Variants in PDE7B observed in about 807,000 individuals in gnomAD.
PDE7B encodes phosphodiesterase 7B, also known as 3',5'-cyclic-AMP phosphodiesterase 7B.
Under a neutral mutation model 56.2 loss-of-function variants are expected in PDE7B, and 29 were observed. The observed-to-expected ratio is 0.52, with a 90% CI of 0.38 to 0.70. The LOEUF is 0.70. PDE7B is among the 30% of genes least tolerant of loss of function. The pLI is 0.00. For missense variants in PDE7B, 490 were observed against 565.0 expected, an observed-to-expected ratio of 0.87 and a Z score of 1.35; for synonymous variants, 197 against 196.9, an observed-to-expected ratio of 1.00 and a Z score of 0.00.
At chr6:136,108,020 G>T (rs1020491137) in intron 2 of PDE7B, among the ~76,000 whole-genome samples, 1 of 151,660 alleles carries the variant, frequency 6.6e-6, no homozygotes, top group Non-Finnish European at 1.5e-5. Context: ...CCAGCTACTC[G>T]GGAGGCTAAG....
intron 2 of PDE7B, among the ~76,000 whole-genome samples, chr6:136,108,203 G>A (rs536530015): frequency 5.3e-5 from 8 of 151,018 alleles, no homozygotes; most frequent in East Asian, 1.9e-4. Flanking sequence ...CTAGAAACTC[G>A]ACAGACTGTC....
intron 2 of PDE7B, among the ~76,000 whole-genome samples, chr6:135,971,687 A>G (rs948429429): frequency 1.3e-5 from 2 of 152,202 alleles, no homozygotes; most frequent in Admixed American, 6.5e-5. Context: ...TAACTCTGCC[A>G]CTTACTCATT....
At chr6:136,183,863 C>G (rs1272504593) in intron 11 of PDE7B, among the ~76,000 whole-genome samples, 1 of 152,126 alleles carries the variant, frequency 6.6e-6, no homozygotes, top group East Asian at 1.9e-4. Context: ...CCCTTAAAAT[C>G]AAGGTTGAGG....
At chr6:135,906,334 C>T (rs145182454) in intron 1 of PDE7B, among the ~76,000 whole-genome samples, 2 of 152,264 alleles carry the variant, frequency 1.3e-5, no homozygotes, top group East Asian at 3.9e-4. Context: ...AAAATCTTTA[C>T]CCGTTGAACT....
intron 2 of PDE7B, among the ~76,000 whole-genome samples, chr6:135,966,145 T>C (rs1278297758): frequency 6.6e-6 from 1 of 152,144 alleles, no homozygotes; most frequent in Non-Finnish European, 1.5e-5. Context: ...CTAGAGAACA[T>C]ACCACTTTAA....
chr6:135,928,355 C>CA (rs1263881732), intron 1 of PDE7B, among the ~76,000 whole-genome samples: 4 of 148,136 alleles, frequency 2.7e-5, no homozygotes, highest in Non-Finnish European at 4.5e-5. Flanking sequence ...TTCATTGCAA[C>CA]ACTATTCACA....
At chr6:135,992,298 C>G (rs1775492554) in intron 2 of PDE7B, among the ~76,000 whole-genome samples, 1 of 151,994 alleles carries the variant, frequency 6.6e-6, no homozygotes, top group Non-Finnish European at 1.5e-5. Context: ...CTGTCCTGGG[C>G]TGCATGCAGC....
At chr6:136,025,277 T>C (rs1267232988) in intron 2 of PDE7B, among the ~76,000 whole-genome samples, 1 of 152,144 alleles carries the variant, frequency 6.6e-6, no homozygotes, top group East Asian at 1.9e-4. Context: ...TATAATATCT[T>C]AAAAATGCAA....
intron 1 of PDE7B, among the ~76,000 whole-genome samples, chr6:135,855,759 C>A (rs377262465): frequency 1.7e-4 from 26 of 152,234 alleles, no homozygotes; most frequent in East Asian, 7.7e-4. Flanking sequence ...GCACTATGGG[C>A]AGCCAAGGTC....
At chr6:136,140,097 G>GT (rs1176535806) in intron 3 of PDE7B, among the ~76,000 whole-genome samples, 1 of 152,122 alleles carries the variant, frequency 6.6e-6, no homozygotes, top group Non-Finnish European at 1.5e-5. Flanking sequence ...GGTTTTTATG[G>GT]TTTTAGGTCT....
At chr6:136,048,955 T>C (rs924362825) in intron 2 of PDE7B, 1 of 152,230 alleles carries the variant, frequency 6.6e-6, no homozygotes. Context: ...ATGAAGGATT[T>C]ATATAGCCTT....
At chr6:136,156,024 TA>T in intron 8 of PDE7B, 1 of 536,348 alleles carries the variant, frequency 1.9e-6, no homozygotes. Flanking sequence ...CTCTAAAGAG[TA>T]AATACTTGTG....
chr6:135,956,926 CAGAA>C (rs1170026256), intron 2 of PDE7B, among the ~76,000 whole-genome samples: 3 of 152,010 alleles, frequency 2.0e-5, no homozygotes, highest in African/African-American at 2.4e-5. Context: ...AAAGAAAAGT[CAGAA>C]AGGCTGGTGG....
intron 1 of PDE7B, among the ~76,000 whole-genome samples, chr6:135,904,176 A>AT (rs777564979): frequency 1.3e-5 from 2 of 152,206 alleles, no homozygotes; most frequent in Non-Finnish European, 2.9e-5. Flanking sequence ...AGGCCAGAAT[A>AT]TTTTCTTTGC....
chr6:135,993,797 A>G (rs958621644), intron 2 of PDE7B, among the ~76,000 whole-genome samples: 1 of 152,242 alleles, frequency 6.6e-6, no homozygotes, highest in African/African-American at 2.4e-5. Context: ...TTCAAGCTTA[A>G]CTTTGAGTTT....
Position 135,851,727 on chromosome 6 carries a change from C to A in PDE7B, c.-272C>A, listed in dbSNP as rs147279259. The stretch of plus-strand genomic sequence containing the variant: ...GTTGGTCTGGGCACTGCAGCAGGCT[C>A]GGCTCTGTCCCAGCACTTGTCTGGG... On this transcript the variant is annotated 5_prime_UTR_variant, in exon 1 of 13. Coordinates refer to ENST00000308191, the MANE Select transcript of PDE7B (RefSeq NM_018945.4). The A allele has an allele frequency of 9.9e-6, 4 of 405,494 alleles. No individual in the cohort carries two copies. The highest frequency in any genetic ancestry group is 1.8e-5 in the Non-Finnish European group (4 of 227,166). 25.1% of individuals were successfully genotyped at this position (405,494 alleles called of 1,614,324 possible). A position where few individuals can be genotyped will look rare whatever the true frequency, so the allele number is the denominator to read the frequency against.
At chr6:135,979,976 T>C (rs1334861380) in intron 2 of PDE7B, among the ~76,000 whole-genome samples, 1 of 152,114 alleles carries the variant, frequency 6.6e-6, no homozygotes, top group African/African-American at 2.4e-5. Context: ...AGAGCCCACA[T>C]CGCCAAGTCA....
rs1313328145 is a variant in PDE7B at position 136,191,887 on chromosome 6, A to C, written c.*47A>C. 2 of 1,443,874 alleles carry C rather than the reference A, an allele frequency of 1.4e-6. No homozygotes were observed. Among genetic ancestry groups the C allele is most frequent in the East Asian group, 5.0e-5 (2 of 40,384 alleles). 89.4% of individuals were successfully genotyped at this position (1,443,874 alleles called of 1,614,324 possible). ...GGCTCTCCTCCGGCAGGGCCCCCAG[A>C]GGGCAGAAGCAGCGTGGAGGGGCCC... On this transcript the variant is annotated 3_prime_UTR_variant, in exon 13 of 13. Coordinates refer to ENST00000308191, the MANE Select transcript of PDE7B (RefSeq NM_018945.4).
chr6:136,114,941 G>T, intron 3 of PDE7B: 1 of 152,320 alleles, frequency 6.6e-6, no homozygotes. Flanking sequence ...CTTCAGCTGC[G>T]GAAGTGCCAG....
Sources: allele counts gnomAD v4.1 joint callset (sites outside exome capture counted in the v4.1 genomes callset), GRCh38; gene constraint gnomAD v4.1.1; transcripts MANE v1.5; gene names NCBI Gene and HGNC (gene_info 2026-07-23, HGNC 2026-07-21).